Variants in LRFN2 observed in about 807,000 individuals in gnomAD.
LRFN2 encodes leucine-rich repeat and fibronectin type-III domain-containing protein 2.
A neutral mutation model predicts 37.3 loss-of-function variants in LRFN2; 18 were observed. The observed-to-expected ratio is 0.48, with a 90% CI of 0.33 to 0.72. The LOEUF (loss-of-function observed/expected upper bound fraction) is 0.72, where lower values mean the gene tolerates loss of function less well. Among genes scored for constraint, LRFN2 ranks in the 30% least tolerant of loss-of-function variants. The pLI is 0.02. For synonymous variants in LRFN2, 556 were observed against 466.6 expected (o/e 1.19, Z -2.47); for missense variants, 1,006 against 1,060.7 (o/e 0.95, Z 0.72).
At chr6:40,531,719 T>C (rs1437439716) in intron 1 of LRFN2, among the ~76,000 whole-genome samples, 3 of 152,188 alleles carry the variant, frequency 2.0e-5, no homozygotes, top group Non-Finnish European at 4.4e-5. Context: ...TACAATAGTT[T>C]TTTTAATCCA....
chr6:40,494,351 A>C (rs1765171140), intron 1 of LRFN2, among the ~76,000 whole-genome samples: 1 of 152,176 alleles, frequency 6.6e-6, no homozygotes, highest in Non-Finnish European at 1.5e-5. Flanking sequence ...GGTGAGAGCA[A>C]GGGGCTTAGT....
chr6:40,454,797 T>C (rs2113845767), intron 1 of LRFN2, among the ~76,000 whole-genome samples: 1 of 152,346 alleles, frequency 6.6e-6, no homozygotes, highest in Admixed American at 6.5e-5. Flanking sequence ...CCAAAGACTA[T>C]ATATAACTTA....
chr6:40,477,304 A>G (rs1413074883), intron 1 of LRFN2, among the ~76,000 whole-genome samples: 1 of 152,170 alleles, frequency 6.6e-6, no homozygotes, highest in East Asian at 1.9e-4. Flanking sequence ...CTCCTGAGTC[A>G]AGGGCTCTCC....
At chr6:40,453,202 G>A (rs1764153894) in intron 1 of LRFN2, among the ~76,000 whole-genome samples, 1 of 152,080 alleles carries the variant, frequency 6.6e-6, no homozygotes, top group Non-Finnish European at 1.5e-5. Flanking sequence ...CTCTAGAAAT[G>A]TCATTGATTA....
intron 2 of LRFN2, among the ~76,000 whole-genome samples, chr6:40,405,100 C>T (rs376134801): frequency 1.3e-4 from 20 of 152,310 alleles, no homozygotes; most frequent in Admixed American, 5.2e-4. Context: ...TCCTTTGTTT[C>T]GATATTCTGG....
At chr6:40,444,932 C>T (rs1763932601) in intron 1 of LRFN2, among the ~76,000 whole-genome samples, 1 of 152,020 alleles carries the variant, frequency 6.6e-6, no homozygotes, top group Non-Finnish European at 1.5e-5. Context: ...CAGTCTCCTC[C>T]CTGTTGACTT....
intron 2 of LRFN2, among the ~76,000 whole-genome samples, chr6:40,425,134 T>A (rs1423338493): frequency 6.6e-6 from 1 of 152,280 alleles, no homozygotes; most frequent in East Asian, 1.9e-4. Flanking sequence ...GGACAGGACA[T>A]GTGTCTAACA....
At position 40,391,989 on chromosome 6, in the gene LRFN2, C is replaced by A. The variant is rs146316351; in HGVS notation, c.2324G>T (p.Arg775Leu). ...CCATTCGGAGCTGCCAAAAGTCCCC[C>A]GGGCCCCCACCAGGTCACTCTCCTC... is the stretch of plus-strand genomic sequence containing the variant. ...PFEESDLVGARGTFGSSEWVM... is the reference protein window; with the variant it reads ...PFEESDLVGALGTFGSSEWVM... Residue 775 changes from arginine (R) to leucine (L), a missense_variant, in exon 3 of 3, where the codon CGG becomes CTG. Physicochemically the swap from Arg to Leu is moderately radical, Grantham distance 102. This residue lies in a region of LRFN2 where 398 missense variants were observed against 327.6 expected (regional missense o/e 1.21). Coordinates refer to ENST00000338305, the MANE Select transcript of LRFN2 (RefSeq NM_020737.3). 1 of 1,602,916 alleles carries A rather than the reference C, an allele frequency of 6.2e-7. No homozygotes were observed. The highest frequency in any genetic ancestry group is 1.7e-5 in the Admixed American group (1 of 58,918).
At position 40,439,784 on chromosome 6, in the gene LRFN2, T is replaced by G. The variant is rs188266225; in HGVS notation, c.-18-6653A>C. Among the ~76,000 whole-genome samples, 679 of 151,984 alleles carry G rather than the reference T, an allele frequency of 4.5e-3. 5 individuals are homozygous for G. The highest frequency in any genetic ancestry group is 0.015 in the African/African-American group (617 of 41,438). On this transcript the variant is annotated intron_variant, in intron 1 of 2. Coordinates refer to ENST00000338305, the MANE Select transcript of LRFN2 (RefSeq NM_020737.3). ...AGGCAGCAGAAGCAGGCTCAATGAG[T>G]GTGTGTTGGGGTAGGAGAGGGCCCC... is the stretch of plus-strand genomic sequence containing the variant.
chr6:40,505,187 G>A lies in LRFN2; in HGVS notation c.-18-72056C>T, dbSNP rs140907684. ...TTATAACCTGTCAGTGGGGTCTCCC[G>A]GGATTCTGTGGGGGCGGGGGACAAG... On this transcript the variant is annotated intron_variant, in intron 1 of 2. Transcript: ENST00000338305. 1.6e-4 allele frequency among the ~76,000 whole-genome samples: 24 copies of A among 152,300 alleles called. 1 individual carries two copies. In the East Asian group the frequency reaches 4.1e-3, roughly 26 times the overall value.
intron 1 of LRFN2, among the ~76,000 whole-genome samples, chr6:40,449,554 C>T (rs534156183): frequency 6.6e-6 from 1 of 152,272 alleles, no homozygotes; most frequent in African/African-American, 2.4e-5. Flanking sequence ...GTGGGTAGAG[C>T]TTGAGCAGTC....
At chr6:40,468,464 G>A (rs1053750203) in intron 1 of LRFN2, among the ~76,000 whole-genome samples, 4 of 152,158 alleles carry the variant, frequency 2.6e-5, no homozygotes, top group Non-Finnish European at 5.9e-5. Flanking sequence ...AGGGGTGTTT[G>A]AATGGGCGGA....
chr6:40,451,513 C>G (rs1371537993), intron 1 of LRFN2, among the ~76,000 whole-genome samples: 2 of 152,210 alleles, frequency 1.3e-5, no homozygotes, highest in Non-Finnish European at 2.9e-5. Flanking sequence ...GGGGAAGCAG[C>G]ATCTTCTGCT....
At chr6:40,563,359 C>T (rs1767034893) in intron 1 of LRFN2, among the ~76,000 whole-genome samples, 1 of 152,148 alleles carries the variant, frequency 6.6e-6, no homozygotes, top group African/African-American at 2.4e-5. Context: ...TCTGGGGGGC[C>T]CTCCAGGGTC....
chr6:40,495,187 C>G (rs1765197316), intron 1 of LRFN2, among the ~76,000 whole-genome samples: 1 of 152,156 alleles, frequency 6.6e-6, no homozygotes, highest in Non-Finnish European at 1.5e-5. Context: ...CTGCCTGGTC[C>G]TCCTCACCAG....
intron 1 of LRFN2, among the ~76,000 whole-genome samples, chr6:40,573,713 C>T (rs1387940415): frequency 6.6e-6 from 1 of 152,194 alleles, no homozygotes; most frequent in East Asian, 1.9e-4. Flanking sequence ...CACAGTGGCT[C>T]ACGCCTGTAA....
At chr6:40,516,952 A>C (rs1445711827) in intron 1 of LRFN2, among the ~76,000 whole-genome samples, 1 of 152,174 alleles carries the variant, frequency 6.6e-6, no homozygotes, top group African/African-American at 2.4e-5. Flanking sequence ...TTGTGTGTCT[A>C]CTATGAACTA....
chr6:40,535,856 G>A (rs1026829536), intron 1 of LRFN2, among the ~76,000 whole-genome samples: 6 of 152,052 alleles, frequency 3.9e-5, no homozygotes, highest in African/African-American at 1.2e-4. Context: ...CCTTTGATGT[G>A]CACAATGCAG....
Position 40,443,617 on chromosome 6 carries a change from T to C in LRFN2, c.-18-10486A>G, listed in dbSNP as rs566962183. On this transcript the variant is annotated intron_variant, in intron 1 of 2. Transcript: ENST00000338305. Reference sequence around the variant, plus strand: ...GGAGCAGAGTCTCCCTGCCTGCACCTTTCTTTATTGCTGTCCTCTGTCCCT... The same window carrying C: ...GGAGCAGAGTCTCCCTGCCTGCACCCTTCTTTATTGCTGTCCTCTGTCCCT... 5.9e-5 allele frequency among the ~76,000 whole-genome samples: 9 copies of C among 152,320 alleles called. No homozygotes were observed. In the South Asian group the frequency reaches 1.9e-3, roughly 32 times the overall value.
Sources: allele counts gnomAD v4.1 joint callset (sites outside exome capture counted in the v4.1 genomes callset), GRCh38; gene constraint gnomAD v4.1.1; regional missense constraint gnomAD v4.1.1; transcripts MANE v1.5; gene names NCBI Gene and HGNC (gene_info 2026-07-23, HGNC 2026-07-21).